Variants in CORIN observed in about 807,000 individuals in gnomAD.
The protein encoded by CORIN is corin, serine peptidase, also known as atrial natriuretic peptide-converting enzyme.
A neutral mutation model predicts 125.3 loss-of-function variants in CORIN; 117 were observed. The ratio of observed to expected loss-of-function variants is 0.93; its 90% confidence interval spans 0.80 to 1.09. The LOEUF is 1.09. Among genes scored for constraint, CORIN ranks in the 50% least tolerant of loss-of-function variants. The probability of loss-of-function intolerance (pLI) is 0.00; values close to 1 mark genes in which losing one functional copy is unlikely to be tolerated. For missense variants in CORIN, 1,253 were observed against 1,306.7 expected, an observed-to-expected ratio of 0.96 and a Z score of 0.63; for synonymous variants, 450 against 466.4, an observed-to-expected ratio of 0.96 and a Z score of 0.45.
In CORIN at chr4:47,767,057, G is replaced by A. The variant is rs201773695; in HGVS notation, c.410-3471C>T. ...AAAAAAGAATAGTAAAGGGGAAAAA[G>A]GCATAAACTCATAACAGCAAAGAGC... On this transcript the variant is annotated intron_variant, in intron 3 of 21. Transcript: ENST00000273857. Among the ~76,000 whole-genome samples the A allele has an allele frequency of 3.9e-4, 59 of 151,988 alleles. 1 individual carries two copies. The East Asian group carries it at 6.0e-3, about 15-fold the overall frequency.
intron 6 of CORIN, among the ~76,000 whole-genome samples, chr4:47,687,765 C>T (rs1577828481): frequency 6.6e-6 from 1 of 152,262 alleles, no homozygotes; most frequent in East Asian, 1.9e-4. Flanking sequence ...TCATCCAATC[C>T]TCTGATTCTG....
At chr4:47,764,887 T>C (rs1030972517) in intron 3 of CORIN, among the ~76,000 whole-genome samples, 1 of 152,212 alleles carries the variant, frequency 6.6e-6, no homozygotes, top group Non-Finnish European at 1.5e-5. Context: ...TTAGGGGTTA[T>C]CAGCTTTTGG....
At chr4:47,758,780 T>TATAAAG (rs1729313153) in intron 4 of CORIN, among the ~76,000 whole-genome samples, 1 of 152,202 alleles carries the variant, frequency 6.6e-6, no homozygotes, top group Admixed American at 6.5e-5. Context: ...TTTCCCCATT[T>TATAAAG]TGCTCCGCAC....
At chr4:47,796,846 G>T (rs1731310508) in intron 2 of CORIN, among the ~76,000 whole-genome samples, 3 of 152,026 alleles carry the variant, frequency 2.0e-5, no homozygotes, top group Admixed American at 2.0e-4. Flanking sequence ...TGGATTTCAT[G>T]TTTAAAGTAC....
chr4:47,749,108 C>T (rs1466689626), intron 4 of CORIN, among the ~76,000 whole-genome samples: 2 of 151,754 alleles, frequency 1.3e-5, no homozygotes, highest in East Asian at 1.9e-4. Context: ...ATTTAAAACT[C>T]TTTTTTCATG....
chr4:47,614,810 T>G (rs555980190), intron 19 of CORIN, among the ~76,000 whole-genome samples: 12 of 152,008 alleles, frequency 7.9e-5, no homozygotes, highest in Non-Finnish European at 1.2e-4. Context: ...CTGAAAGAAA[T>G]AAAAACTCAA....
chr4:47,760,901 A>C (rs1200976978), intron 4 of CORIN, among the ~76,000 whole-genome samples: 3 of 152,150 alleles, frequency 2.0e-5, no homozygotes, highest in Admixed American at 2.0e-4. Flanking sequence ...TGTCATGGAG[A>C]TGGTTTCTTT....
At chr4:47,627,120 T>A (rs1440474273) in intron 16 of CORIN, among the ~76,000 whole-genome samples, 1 of 141,710 alleles carries the variant, frequency 7.1e-6, no homozygotes, top group African/African-American at 2.5e-5. Context: ...GTAGCTGGGA[T>A]CACAGGTACA....
chr4:47,673,701 C>T (rs1724875564), intron 10 of CORIN, among the ~76,000 whole-genome samples: 1 of 152,132 alleles, frequency 6.6e-6, no homozygotes. Context: ...GTCACCGAAA[C>T]AAATTAGCCT....
intron 7 of CORIN, chr4:47,682,448 A>G (rs1030351274): frequency 4.0e-5 from 6 of 151,040 alleles, no homozygotes; most frequent in African/African-American, 1.5e-4. Context: ...TCTCAAAAAA[A>G]AAAAAAAAAA....
In CORIN at chr4:47,673,176, CAAAA is replaced by C. The variant is rs1222742689; in HGVS notation, c.1357+1213_1357+1216del. On this transcript the variant is annotated intron_variant, in intron 10 of 21. Transcript: ENST00000273857. ...CAACATGGTGAAACGCCATCTTTAC[CAAAA>C]AATAAATAAATAAATAAATAAATAA... 2.1e-4 allele frequency among the ~76,000 whole-genome samples: 27 copies of C among 126,726 alleles called. No homozygotes were observed. The East Asian group carries it at 2.6e-3, about 12-fold the overall frequency. The allele number at this position is 126,726 out of a possible 152,430, so 83.1% of individuals were successfully genotyped here.
intron 7 of CORIN, chr4:47,682,898 C>T (rs1226546848): frequency 2.0e-5 from 3 of 152,214 alleles, no homozygotes; most frequent in Admixed American, 2.0e-4. Flanking sequence ...CACCAGGTTT[C>T]CCAGCATGGG....
chr4:47,626,396 CAT>C lies in CORIN; in HGVS notation c.2315+7_2315+8del. ...TGACTCTACACAGCTCTTATGAATGCATTCTTACCCATTTACTAGAAGTTCAT... is the reference window on the plus strand; with the variant it reads ...TGACTCTACACAGCTCTTATGAATGCTCTTACCCATTTACTAGAAGTTCAT... On this transcript the variant is annotated splice_region_variant and intron_variant, in intron 17 of 21. Transcript: ENST00000273857. 1 of 1,453,440 alleles carries C rather than the reference CAT, an allele frequency of 6.9e-7. No individual in the cohort carries two copies. The highest frequency in any genetic ancestry group is 9.7e-7 in the Non-Finnish European group (1 of 1,033,504). The allele number at this position is 1,453,440 out of a possible 1,614,324, so 90.0% of individuals were successfully genotyped here. A position where few individuals can be genotyped will look rare whatever the true frequency, so the allele number is the denominator to read the frequency against.
intron 6 of CORIN, 22 bp downstream of exon 6, chr4:47,692,948 C>G (rs1220949539): frequency 6.4e-7 from 1 of 1,565,250 alleles, no homozygotes. Flanking sequence ...CTCAGACAAA[C>G]CCTAAACAGC....
chr4:47,827,216 T>C (rs1732774259), intron 1 of CORIN, among the ~76,000 whole-genome samples: 1 of 152,178 alleles, frequency 6.6e-6, no homozygotes, highest in Non-Finnish European at 1.5e-5. Flanking sequence ...GGAAGCAACA[T>C]TTCTTCTTTC....
intron 1 of CORIN, among the ~76,000 whole-genome samples, chr4:47,830,873 C>G (rs1172975948): frequency 6.6e-6 from 1 of 152,188 alleles, no homozygotes; most frequent in Non-Finnish European, 1.5e-5. Context: ...CACCTACTTT[C>G]ATAGCTGCAT....
At chr4:47,619,665 A>G (rs1280099013) in intron 19 of CORIN, among the ~76,000 whole-genome samples, 1 of 152,222 alleles carries the variant, frequency 6.6e-6, no homozygotes, top group East Asian at 1.9e-4. Flanking sequence ...TCTCTATTGC[A>G]AGATTTCTCC....
chr4:47,707,217 T>C (rs1213229024), intron 5 of CORIN, among the ~76,000 whole-genome samples: 4 of 152,196 alleles, frequency 2.6e-5, no homozygotes, highest in Non-Finnish European at 4.4e-5. Flanking sequence ...GAGTTGTATG[T>C]TAGTGTATAA....
Position 47,627,985 on chromosome 4 carries a change from A to C in CORIN, c.2199-1464T>G, listed in dbSNP as rs190588063. Among the ~76,000 whole-genome samples, 4 of 152,312 alleles carry C rather than the reference A, an allele frequency of 2.6e-5. No individual in the cohort carries two copies. In the East Asian group the frequency reaches 7.7e-4, roughly 29 times the overall value. On this transcript the variant is annotated intron_variant, in intron 16 of 21. Transcript: ENST00000273857. ...CCCAGCTGCCCTGAGGAAGGGCTCC[A>C]CAGACATCCACAGGATGTTTTTGCA...
Sources: allele counts gnomAD v4.1 joint callset (sites outside exome capture counted in the v4.1 genomes callset), GRCh38; gene constraint gnomAD v4.1.1; transcripts MANE v1.5; gene names NCBI Gene and HGNC (gene_info 2026-07-23, HGNC 2026-07-21).